Variants in HDGFL2 observed in about 807,000 individuals in gnomAD.
The protein encoded by HDGFL2 is HDGF like 2, also known as hepatoma-derived growth factor-related protein 2.
A neutral mutation model predicts 77.1 loss-of-function variants in HDGFL2; 36 were observed. The observed-to-expected ratio is 0.47, with a 90% confidence interval of 0.36 to 0.62. HDGFL2 has a LOEUF of 0.62. Ranked by LOEUF, HDGFL2 falls within the 20% of genes least tolerant of loss-of-function variation. HDGFL2 has a pLI of 0.00. For missense variants in HDGFL2, 976 were observed against 973.4 expected (o/e 1.00, Z -0.04); for synonymous variants, 463 against 413.1 (o/e 1.12, Z -1.46).
At chr19:4,479,380 G>A (rs566675289) in intron 3 of HDGFL2, among the ~76,000 whole-genome samples, 3 of 150,834 alleles carry the variant, frequency 2.0e-5, no homozygotes, top group Non-Finnish European at 4.4e-5. Context: ...TCAGGTGATC[G>A]AGACCATCCT....
intron 3 of HDGFL2, among the ~76,000 whole-genome samples, chr19:4,482,626 C>T (rs567910391): frequency 2.0e-5 from 3 of 152,202 alleles, no homozygotes; most frequent in Non-Finnish European, 4.4e-5. Context: ...GAGTAAACCA[C>T]GGGCCCTGCT....
At chr19:4,491,735 C>T (rs368101338) in intron 5 of HDGFL2, 29 bp from the exon 6 acceptor site, 31 of 1,613,408 alleles carry the variant, frequency 1.9e-5, no homozygotes, top group Non-Finnish European at 2.5e-5. Flanking sequence ...TGCCAGTGGG[C>T]CCCAGTTCAG....
chr19:4,501,811 C>G, intron 15 of HDGFL2, 100 bp from the exon 16 acceptor site: 1 of 857,666 alleles, frequency 1.2e-6, no homozygotes, highest in Non-Finnish European at 1.7e-6. Flanking sequence ...TCAGGTGCCA[C>G]AACGGGGGTA....
intron 7 of HDGFL2, 23 bp from the exon 8 acceptor site, chr19:4,493,959 A>AC (rs764871276): frequency 1.3e-6 from 2 of 1,590,148 alleles, no homozygotes; most frequent in Non-Finnish European, 1.7e-6. Context: ...AGGGAAGGTC[A>AC]CCCCCTCCTC....
rs546333702 is a variant in HDGFL2, at chr19:4,501,999, G to C, written c.2005G>C (p.Glu669Gln). The C allele has an allele frequency of 2.0e-5, 30 of 1,516,952 alleles. No individual in the cohort carries two copies. The highest frequency in any genetic ancestry group is 2.8e-5 in the African/African-American group (2 of 71,274). 94.0% of individuals were successfully genotyped at this position (1,516,952 alleles called of 1,614,324 possible). The change falls in exon 16 of 16, where the codon GAG (glutamate) becomes CAG (glutamine). Residue 669 changes from glutamate to glutamine, a missense_variant. Transcript: ENST00000616600. ...RARGDSEALD[E>Q]ES The stretch of plus-strand genomic sequence containing the variant: ...ACGGGGGGACTCGGAGGCCCTGGAC[G>C]AGGAGAGCTGAGCCGCGGGCAGCCA...
At chr19:4,476,885 T>C (rs1395465017) in intron 3 of HDGFL2, among the ~76,000 whole-genome samples, 1 of 150,776 alleles carries the variant, frequency 6.6e-6, no homozygotes, top group Non-Finnish European at 1.5e-5. Context: ...GAGGTTTCTG[T>C]GACAGGCTGG....
intron 4 of HDGFL2, among the ~76,000 whole-genome samples, chr19:4,489,653 C>T (rs966959238): frequency 1.1e-4 from 16 of 152,098 alleles, no homozygotes; most frequent in Non-Finnish European, 1.0e-4. Context: ...CCGCCCGCTT[C>T]GGCCTCCCAA....
Position 4,494,071 on chromosome 19 carries a change from C to G in HDGFL2, c.914+14C>G. On this transcript the variant is annotated intron_variant, in intron 8 of 15. Transcript: ENST00000616600. ...CAGCAGTGACAGGTGGGTGCTGGGG[C>G]TGGGGTCCCCTCTGGCGGCTCCTCC... The G allele has an allele frequency of 1.9e-6, 3 of 1,588,010 alleles. No individual in the cohort carries two copies. The highest frequency in any genetic ancestry group is 2.6e-6 in the Non-Finnish European group (3 of 1,167,816).
chr19:4,492,879 G>GT (rs1568212924), intron 6 of HDGFL2, among the ~76,000 whole-genome samples: 4 of 130,024 alleles, frequency 3.1e-5, no homozygotes, highest in Middle Eastern at 4.7e-3. Context: ...TGTGTGGTGT[G>GT]GTGTGTGTTA....
chr19:4,496,918 G>GGCTGGAGT (rs1425161797), intron 10 of HDGFL2: 1 of 402,272 alleles, frequency 2.5e-6, no homozygotes. Context: ...CTTTTGCACA[G>GGCTGGAGT]GCTGGAGTGC....
intron 3 of HDGFL2, among the ~76,000 whole-genome samples, chr19:4,480,022 AG>A (rs5826850): frequency 0.51 from 77,809 of 151,682 alleles, 20,453 homozygotes; most frequent in African/African-American, 0.61. Context: ...AGAGTATAGC[AG>A]TGACAGTTGG....
chr19:4,492,278 T>G (rs889605199), intron 6 of HDGFL2, among the ~76,000 whole-genome samples: 5 of 152,044 alleles, frequency 3.3e-5, no homozygotes, highest in Non-Finnish European at 5.9e-5. Context: ...GGTGTGTATG[T>G]GTGCAGTGTG....
chr19:4,494,898 CCA>C (rs1332236967), intron 9 of HDGFL2, among the ~76,000 whole-genome samples: 4 of 151,808 alleles, frequency 2.6e-5, no homozygotes, highest in Middle Eastern at 3.4e-3. Context: ...CCAGCCTGGG[CCA>C]CACAGCAAGA....
Position 4,499,632 on chromosome 19 carries a change from G to A in HDGFL2, c.1717G>A (p.Glu573Lys). Reference sequence around the variant, plus strand: ...TGGGATGGAGAAGGAGAAGGCCGAGGAGAAGCTGGCCGGGGAGGAGCTGGC... The same window carrying A: ...TGGGATGGAGAAGGAGAAGGCCGAGAAGAAGCTGGCCGGGGAGGAGCTGGC... ...KAGMEKEKAE[E>K]KLAGEELAGE... Residue 573 changes from glutamate (E) to lysine (K), a missense_variant, in exon 14 of 16, where the codon GAG becomes AAG. Physicochemically the swap from Glu to Lys is moderately conservative, Grantham distance 56. Coordinates refer to ENST00000616600, the MANE Select transcript of HDGFL2 (RefSeq NM_001001520.3). 6.3e-7 allele frequency: 1 copy of A among 1,593,550 alleles called. No homozygotes were observed. The highest frequency in any genetic ancestry group is 8.5e-7 in the Non-Finnish European group (1 of 1,169,644).
At chr19:4,495,595 G>A (rs550869108) in intron 9 of HDGFL2, among the ~76,000 whole-genome samples, 7 of 151,814 alleles carry the variant, frequency 4.6e-5, no homozygotes, top group African/African-American at 4.9e-5. Context: ...GGTGGGGAAC[G>A]GACAGAGCAG....
At position 4,501,191 on chromosome 19, in the gene HDGFL2, A is replaced by T; in HGVS notation, c.1790A>T (p.Asp597Val). 5 of 1,613,266 alleles carry T rather than the reference A, an allele frequency of 3.1e-6. No individual in the cohort carries two copies. The highest frequency in any genetic ancestry group is 3.4e-6 in the Non-Finnish European group (4 of 1,179,870). ...QEKAEDKPST[D>V]LSAPVNGEAT... The stretch of plus-strand genomic sequence containing the variant: ...CCTGTGACCCCTCTGTCCCACCCAG[A>T]TCTCTCAGCCCCAGTGAATGGCGAG... The change falls in exon 15 of 16, where the codon GAT (aspartate) becomes GTT (valine). Residue 597 changes from aspartate to valine, a missense_variant and splice_region_variant. Physicochemically the swap from Asp to Val is radical, Grantham distance 152. Transcript: ENST00000616600.
Position 4,491,651 on chromosome 19 carries a change from G to A in HDGFL2, c.575G>A (p.Ser192Asn). ...VSPSEEENSE[S>N]SSESEKTSDQ... is the part of the protein sequence containing the mutation. Reference sequence around the variant, plus strand: ...CCATCCGAAGAGGAGAACTCGGAAAGCTCATCTGAGTCGGAGAAGACCAGC... The same window carrying A: ...CCATCCGAAGAGGAGAACTCGGAAAACTCATCTGAGTCGGAGAAGACCAGC... Residue 192 changes from serine to asparagine, a missense_variant, in exon 5 of 16, where the codon AGC becomes AAC. Physicochemically the swap from Ser to Asn is conservative, Grantham distance 46 (BLOSUM62 1). This residue lies in a region of HDGFL2 where 567 missense variants were observed against 534.7 expected (regional missense o/e 1.06). Coordinates refer to ENST00000616600, the MANE Select transcript of HDGFL2 (RefSeq NM_001001520.3). The A allele has an allele frequency of 1.2e-6, 2 of 1,614,104 alleles. No individual in the cohort carries two copies. The highest frequency in any genetic ancestry group is 1.7e-6 in the Non-Finnish European group (2 of 1,180,032).
intron 3 of HDGFL2, among the ~76,000 whole-genome samples, chr19:4,483,084 C>T (rs1381336078): frequency 1.3e-5 from 2 of 152,216 alleles, no homozygotes. Flanking sequence ...CGAGATTGGC[C>T]GCGAGAGCGT....
At chr19:4,472,454 G>GT in intron 1 of HDGFL2, 32 bp downstream of exon 1, 1 of 501,988 alleles carries the variant, frequency 2.0e-6, no homozygotes, top group Non-Finnish European at 3.3e-6. Context: ...GGCCGGTGGG[G>GT]GGGGGGGGGG....
Sources: gnomAD v4.1 joint callset for allele counts (sites outside exome capture counted in the v4.1 genomes callset) on GRCh38, gnomAD v4.1.1 for gene constraint, gnomAD v4.1.1 regional missense constraint, MANE v1.5 for transcripts, NCBI Gene and HGNC (gene_info 2026-07-23, HGNC 2026-07-21) for gene names.